The following ABCA7 variants were observed in gnomAD, a reference collection of about 807,000 sequenced individuals.
ABCA7 encodes ATP binding cassette subfamily A member 7, also known as phospholipid-transporting ATPase ABCA7.
In ABCA7, 261 loss-of-function variants were observed where a neutral mutation model predicts 227.6. The ratio of observed to expected loss-of-function variants is 1.15; its 90% CI spans 1.04 to 1.27. The LOEUF is 1.27. Among genes scored for constraint, ABCA7 ranks in the 50% most tolerant of loss-of-function variants. ABCA7 has a pLI of 0.00. For synonymous variants in ABCA7, 1,488 were observed against 1,279.7 expected (o/e 1.16, Z -3.47); for missense variants, 3,331 against 2,924.5 (o/e 1.14, Z -3.21).
At chr19:1,047,073 T>A (rs1677982009) in intron 14 of ABCA7, 49 bp downstream of exon 14, 1 of 1,550,462 alleles carries the variant, frequency 6.4e-7, no homozygotes, top group African/African-American at 1.4e-5. Flanking sequence ...CGCTGGAGGG[T>A]GACAGACAGG....
rs2040117658 is a variant in ABCA7 at position 1,042,242 on chromosome 19, G to T, written c.415+66G>T. The stretch of plus-strand genomic sequence containing the variant: ...GCCTCAACTTGCCGGGCCGTGAAAT[G>T]GGCACAGGGTGGGGGTGGGTGCCTC... On this transcript the variant is annotated intron_variant, in intron 5 of 46. Transcript: ENST00000263094. 7.5e-6 allele frequency: 12 copies of T among 1,591,694 alleles called. No homozygotes were observed. The Admixed American group carries it at 1.5e-4, about 20-fold the overall frequency.
intron 18 of ABCA7, 26 bp from the exon 19 acceptor site, chr19:1,050,895 C>T (rs1389063367): frequency 6.4e-7 from 1 of 1,558,810 alleles, no homozygotes; most frequent in Non-Finnish European, 8.7e-7. Context: ...GTGAAGGGGG[C>T]TACTCTGAGA....
At chr19:1,059,853 C>T (rs1463573544) in intron 40 of ABCA7, among the ~76,000 whole-genome samples, 5 of 152,324 alleles carry the variant, frequency 3.3e-5, no homozygotes, top group South Asian at 2.1e-4. Flanking sequence ...TGAGCCACTG[C>T]GTCTGGCCTG....
rs1484210889 is a variant in ABCA7, at chr19:1,060,212, T to A, written c.5463+1127T>A. On this transcript the variant is annotated intron_variant, in intron 40 of 46. Coordinates refer to ENST00000263094, the MANE Select transcript of ABCA7 (RefSeq NM_019112.4). ...ACATTGCAGTATATATATATATTTT[T>A]TTTTCTTTTTTTTTCTTTTGAGATG... 2.6e-3 allele frequency among the ~76,000 whole-genome samples: 374 copies of A among 146,394 alleles called. 17 individuals are homozygous for A. The highest frequency in any genetic ancestry group is 9.3e-3 in the African/African-American group (340 of 36,754).
At position 1,043,398 on chromosome 19, in the gene ABCA7, AC is replaced by A. The variant is rs760528352; in HGVS notation, c.856del (p.Arg286AlafsTer2). 2.6e-5 allele frequency: 42 copies of A among 1,613,064 alleles called. No individual in the cohort carries two copies. The highest frequency in any genetic ancestry group is 3.5e-5 in the Non-Finnish European group (41 of 1,179,992). ...ACCCGCTGTCCCGCCTGCTCTGGAG[AC>A]GCCTGAAGCCTCTGATCCTCGGGAA... ...SHPLSRLLWR[R>X]LKPLILGKLL... On this transcript the variant is annotated frameshift_variant, in exon 9 of 47. Transcript: ENST00000263094. LOFTEE classifies it high-confidence loss of function.
Position 1,054,248 on chromosome 19 carries a change from A to G in ABCA7, c.3633A>G (p.Val1211=), listed in dbSNP as rs763117972. 2.5e-6 allele frequency: 4 copies of G among 1,609,348 alleles called. No individual in the cohort carries two copies. The highest frequency in any genetic ancestry group is 3.4e-6 in the Non-Finnish European group (4 of 1,178,838). The change falls in exon 27 of 47, where the codon GTA becomes GTG. Residue 1211 remains valine, a synonymous_variant. Coordinates refer to ENST00000263094, the MANE Select transcript of ABCA7 (RefSeq NM_019112.4). The surrounding 1 kb of genome is among the most constrained non-coding windows in gnomAD (Gnocchi z 4.8). ...CTGGGCCAGACGCCGTGGGCCGGGT[A>G]CAGGGCTGGGCACTGACCCGCCAGC... ...QGSGPDAVGR[V]QGWALTRQQL...
chr19:1,045,044 GC>G lies in ABCA7; in HGVS notation c.1261del (p.Leu421TrpfsTer73). The G allele has an allele frequency of 6.2e-7, 1 of 1,612,858 alleles. No homozygotes were observed. Among genetic ancestry groups the G allele is most frequent in the Non-Finnish European group, 8.5e-7 (1 of 1,179,978 alleles). On this transcript the variant is annotated frameshift_variant, in exon 12 of 47. Transcript: ENST00000263094. LOFTEE classifies it high-confidence loss of function. ...DKLEAAPSEA[A>X]LVSRALQLLA... ...GCTGGAGGCGGCACCCTCAGAGGCA[GC>G]CCTGGTGTCGCGGGCCCTGCAACTG...
intron 45 of ABCA7, 43 bp downstream of exon 45, chr19:1,064,296 G>A: frequency 1.3e-6 from 2 of 1,519,350 alleles, no homozygotes; most frequent in Non-Finnish European, 8.8e-7. Flanking sequence ...GTGAGGGTGG[G>A]CACGTAGGTA....
At chr19:1,049,041 C>T (rs377601404) in intron 17 of ABCA7, 36 bp downstream of exon 17, 53 of 1,255,832 alleles carry the variant, frequency 4.2e-5, no homozygotes, top group Non-Finnish European at 6.7e-6. Context: ...TGGTTGTCCA[C>T]ATATGCCCAG....
chr19:1,042,276 G>T, intron 5 of ABCA7, 39 bp from the exon 6 acceptor site: 1 of 1,577,776 alleles, frequency 6.3e-7, no homozygotes, highest in Non-Finnish European at 8.7e-7. Flanking sequence ...TCAGACCAAC[G>T]TCCCCCCAGC....
chr19:1,043,495 G>T (rs758750382), intron 9 of ABCA7, 22 bp downstream of exon 9: 7 of 1,612,928 alleles, frequency 4.3e-6, no homozygotes, highest in Admixed American at 1.7e-5. Context: ...CTGGATGCTG[G>T]GGTGGGAGGG....
chr19:1,048,867 A>T, intron 16 of ABCA7, 28 bp from the exon 17 acceptor site: 1 of 1,400,742 alleles, frequency 7.1e-7, no homozygotes, highest in Non-Finnish European at 9.9e-7. Context: ...GGGGTGGGCT[A>T]AGCAATAACC....
At position 1,047,551 on chromosome 19, in the gene ABCA7, G is replaced by C; in HGVS notation, c.2166G>C (p.Arg722=). The change falls in exon 16 of 47, where the codon CGG becomes CGC. Residue 722 remains arginine (R), a synonymous_variant. Transcript: ENST00000263094. ...EGAQWHNVGT[R]PTADVFSLAQ... is the part of the protein sequence containing the mutation. ...CGCAGTGGCACAACGTGGGCACCCG[G>C]CCTACGGCAGACGTCTTCAGCCTGG... 1.9e-6 allele frequency: 3 copies of C among 1,601,056 alleles called. No homozygotes were observed. The highest frequency in any genetic ancestry group is 2.5e-6 in the Non-Finnish European group (3 of 1,178,540).
At chr19:1,055,499 C>CT (rs397709972) in intron 30 of ABCA7, 148 bp downstream of exon 30, 83,264 of 420,754 alleles carry the variant, frequency 0.2, 5,385 homozygotes, top group Admixed American at 0.27. Context: ...TTCCTTTCCT[C>CT]TTTTTTTTTT....
At position 1,043,476 on chromosome 19, in the gene ABCA7, G is replaced by T. The variant is rs967495190; in HGVS notation, c.930+3G>T. 3 of 1,613,230 alleles carry T rather than the reference G, an allele frequency of 1.9e-6. No homozygotes were observed. Among genetic ancestry groups the T allele is most frequent in the East Asian group, 2.2e-5 (1 of 44,888 alleles). On this transcript the variant is annotated splice_donor_region_variant and intron_variant, in intron 9 of 46. Transcript: ENST00000263094. ...TTACCCGGAAGCTCATGGCCCAGGT[G>T]GGGGCAGCCTGGATGCTGGGGTGGG...
chr19:1,046,464 G>C (rs752841832), intron 13 of ABCA7, 58 bp downstream of exon 13: 1 of 1,508,570 alleles, frequency 6.6e-7, no homozygotes, highest in African/African-American at 1.4e-5. Flanking sequence ...CGGGTGTGGG[G>C]GTGGGCCCAG....
intron 6 of ABCA7, 102 bp downstream of exon 6, chr19:1,042,499 C>A (rs780192436): frequency 7.1e-7 from 1 of 1,405,630 alleles, no homozygotes. Context: ...TTCCAGGCAT[C>A]CAGGCTGTCC....
At chr19:1,055,499 C>CAT (rs778673140) in intron 30 of ABCA7, 148 bp downstream of exon 30, 10 of 428,174 alleles carry the variant, frequency 2.3e-5, no homozygotes, top group Non-Finnish European at 3.7e-5. Context: ...TTCCTTTCCT[C>CAT]TTTTTTTTTT....
chr19:1,041,530 G>A lies in ABCA7; in HGVS notation c.87G>A (p.Leu29=), dbSNP rs775706309. ...CCCAGGTCCAGCTCCTGGTCGAATT[G>A]CTGTGGCCTCTCTTCCTCTTCTTCA... ...RRQPVQLLVE[L]LWPLFLFFIL... The change falls in exon 3 of 47, where the codon TTG becomes TTA. Residue 29 remains leucine (L), a synonymous_variant. Transcript: ENST00000263094. 29 of 1,613,502 alleles carry A rather than the reference G, an allele frequency of 1.8e-5. No homozygotes were observed. In the Admixed American group the frequency reaches 4.8e-4, roughly 27 times the overall value.
Sources: allele counts gnomAD v4.1 joint callset (sites outside exome capture counted in the v4.1 genomes callset), GRCh38; gene constraint gnomAD v4.1.1; non-coding constraint Gnocchi (gnomAD v3.1); transcripts MANE v1.5; gene names NCBI Gene and HGNC (gene_info 2026-07-23, HGNC 2026-07-21).